Variants in WAC observed in about 807,000 individuals in gnomAD.
WAC encodes the protein WW domain containing adaptor with coiled-coil, also known as WW domain-containing adapter protein with coiled-coil.
A neutral mutation model predicts 79.6 loss-of-function variants in WAC; 11 were observed. That is an observed-to-expected ratio of 0.14 (90% CI 0.09 to 0.23). The LOEUF (loss-of-function observed/expected upper bound fraction) is 0.23, where lower values mean the gene tolerates loss of function less well. WAC is among the 10% of genes least tolerant of loss of function. WAC has a pLI of 1.00. For missense variants in WAC, 728 were observed against 773.5 expected (o/e 0.94, Z 0.70); for synonymous variants, 304 against 276.9 (o/e 1.10, Z -0.97).
intron 3 of WAC, among the ~76,000 whole-genome samples, chr10:28,570,774 AGAG>A (rs1315255286): frequency 6.6e-6 from 1 of 152,140 alleles, no homozygotes; most frequent in Non-Finnish European, 1.5e-5. Flanking sequence ...TGACGTAGGC[AGAG>A]TAGTTACATT....
intron 2 of WAC, chr10:28,534,373 T>C (rs1425947709): frequency 3.5e-6 from 1 of 281,836 alleles, no homozygotes; most frequent in Non-Finnish European, 6.6e-6. Context: ...ATTTATTTAT[T>C]TATTGTGTTG....
chr10:28,567,805 A>G (rs1190366059), intron 3 of WAC, among the ~76,000 whole-genome samples: 1 of 151,952 alleles, frequency 6.6e-6, no homozygotes, highest in Non-Finnish European at 1.5e-5. Context: ...CCCAAGCTGG[A>G]GTGCAGTGGC....
chr10:28,605,210 TTA>T (rs1840880371), intron 7 of WAC, among the ~76,000 whole-genome samples: 2 of 152,228 alleles, frequency 1.3e-5, no homozygotes, highest in African/African-American at 2.4e-5. Context: ...CAATTTTGCT[TTA>T]TGTTTTTCTT....
intron 7 of WAC, among the ~76,000 whole-genome samples, chr10:28,606,448 A>G (rs1840956213): frequency 1.3e-5 from 2 of 152,368 alleles, no homozygotes; most frequent in Middle Eastern, 3.4e-3. Flanking sequence ...GCTGGATTCA[A>G]GCACCTTCCT....
In WAC at chr10:28,586,023, G is replaced by A. The variant is rs186766419; in HGVS notation, c.381+2518G>A. Reference sequence around the variant, plus strand: ...AATGTTTTGTGTTTCTGGAATCCGCGTTCTGGTTTCTCTAGATTTCACCTG... The same window carrying A: ...AATGTTTTGTGTTTCTGGAATCCGCATTCTGGTTTCTCTAGATTTCACCTG... On this transcript the variant is annotated intron_variant, in intron 4 of 13. Coordinates refer to ENST00000354911, the MANE Select transcript of WAC (RefSeq NM_016628.5). 3.3e-5 allele frequency among the ~76,000 whole-genome samples: 5 copies of A among 152,248 alleles called. No homozygotes were observed. The East Asian group carries it at 7.7e-4, about 24-fold the overall frequency.
At chr10:28,560,487 T>G (rs1237707335) in intron 3 of WAC, among the ~76,000 whole-genome samples, 4 of 152,192 alleles carry the variant, frequency 2.6e-5, no homozygotes, top group Admixed American at 2.6e-4. Flanking sequence ...GAATTTTGTT[T>G]TTTTGTGTCG....
At position 28,577,683 on chromosome 10, in the gene WAC, A is replaced by G. The variant is rs575157469; in HGVS notation, c.275-5716A>G. Among the ~76,000 whole-genome samples, 19 of 152,336 alleles carry G rather than the reference A, an allele frequency of 1.2e-4. No homozygotes were observed. In the East Asian group the frequency reaches 2.9e-3, roughly 23 times the overall value. ...AGATCTTGGGAAGGTACTGACCTGTAGAGTATAATAATCTCTGTAAGTGAA... is the reference window on the plus strand; with the variant it reads ...AGATCTTGGGAAGGTACTGACCTGTGGAGTATAATAATCTCTGTAAGTGAA... On this transcript the variant is annotated intron_variant, in intron 3 of 13. Transcript: ENST00000354911.
chr10:28,608,413 A>C lies in WAC; in HGVS notation c.1147A>C (p.Ile383Leu). ...TLQLNNSNVDISKINEVLTAA... is the reference protein window; with the variant it reads ...TLQLNNSNVDLSKINEVLTAA... ...GCAGCTTAATAATTCTAATGTGGAC[A>C]TATCTAAAATAAATGAAGGTAAATC... Residue 383 changes from isoleucine to leucine, a missense_variant, in exon 8 of 14, where the codon ATA becomes CTA. Coordinates refer to ENST00000354911, the MANE Select transcript of WAC (RefSeq NM_016628.5). 6.3e-7 allele frequency: 1 copy of C among 1,598,952 alleles called. No individual in the cohort carries two copies. Among genetic ancestry groups the C allele is most frequent in the East Asian group, 2.3e-5 (1 of 44,204 alleles).
intron 3 of WAC, among the ~76,000 whole-genome samples, chr10:28,539,070 TAATA>T (rs1564371101): frequency 1.3e-5 from 2 of 152,132 alleles, no homozygotes; most frequent in Non-Finnish European, 2.9e-5. Flanking sequence ...TCTTTACTAA[TAATA>T]ACCTATATGC....
chr10:28,613,751 C>T (rs1040323826), intron 10 of WAC, among the ~76,000 whole-genome samples: 1 of 152,156 alleles, frequency 6.6e-6, no homozygotes, highest in African/African-American at 2.4e-5. Flanking sequence ...TGAGGTGTGA[C>T]TTAATCACAA....
chr10:28,603,850 C>T (rs897834170), intron 7 of WAC, among the ~76,000 whole-genome samples: 1 of 149,550 alleles, frequency 6.7e-6, no homozygotes, highest in Non-Finnish European at 1.5e-5. Flanking sequence ...AGGAGAATGG[C>T]GTGAACCCGG....
chr10:28,534,813 ACT>A (rs1226337898), intron 2 of WAC, among the ~76,000 whole-genome samples: 1 of 152,234 alleles, frequency 6.6e-6, no homozygotes, highest in Non-Finnish European at 1.5e-5. Flanking sequence ...ATTTGAAAAC[ACT>A]GTCTTCTGAT....
At chr10:28,570,946 C>CTTTTTT (rs139500035) in intron 3 of WAC, among the ~76,000 whole-genome samples, 2 of 64,538 alleles carry the variant, frequency 3.1e-5, no homozygotes, top group Non-Finnish European at 5.4e-5. Context: ...TAAAGATATA[C>CTTTTTT]TTTTTTTTTT....
intron 7 of WAC, among the ~76,000 whole-genome samples, chr10:28,604,372 C>A (rs1366407997): frequency 2.0e-5 from 3 of 151,970 alleles, no homozygotes; most frequent in Non-Finnish European, 2.9e-5. Flanking sequence ...AACTGGCACC[C>A]AGGCAGCAAG....
At chr10:28,534,725 TGACTGCA>T (rs1390936991) in intron 2 of WAC, among the ~76,000 whole-genome samples, 1 of 152,360 alleles carries the variant, frequency 6.6e-6, no homozygotes. Flanking sequence ...AACCATCAGA[TGACTGCA>T]GAAAACACTT....
intron 3 of WAC, among the ~76,000 whole-genome samples, chr10:28,569,917 A>G (rs370316295): frequency 1.2e-3 from 186 of 152,350 alleles, no homozygotes; most frequent in Admixed American, 1.4e-3. Flanking sequence ...TCATAGTTCA[A>G]CAGCACCAAA....
intron 3 of WAC, among the ~76,000 whole-genome samples, chr10:28,571,040 T>C (rs1431608425): frequency 7.8e-6 from 1 of 128,674 alleles, no homozygotes; most frequent in Non-Finnish European, 1.6e-5. Flanking sequence ...CACTGCAACC[T>C]CGGCCTCCTG....
chr10:28,595,746 T>C lies in WAC; in HGVS notation c.624T>C (p.His208=). Residue 208 remains histidine, a synonymous_variant, in exon 7 of 14, where the codon CAT becomes CAC. Transcript: ENST00000354911. The part of the protein sequence containing the change: ...SGFASGMEDK[H]SSDASSLLPQ... Reference sequence around the variant, plus strand: ...TGTGAACTAAAGTGGAAGACAAGCATTCCAGTGATGCCAGTAGTTTGCTCC... The same window carrying C: ...TGTGAACTAAAGTGGAAGACAAGCACTCCAGTGATGCCAGTAGTTTGCTCC... 6.2e-7 allele frequency: 1 copy of C among 1,613,026 alleles called. No individual in the cohort carries two copies. The highest frequency in any genetic ancestry group is 8.5e-7 in the Non-Finnish European group (1 of 1,179,154).
intron 6 of WAC, among the ~76,000 whole-genome samples, chr10:28,592,665 A>G (rs567699234): frequency 6.6e-6 from 1 of 152,312 alleles, no homozygotes; most frequent in Non-Finnish European, 1.5e-5. Context: ...ATAGATAAGT[A>G]TAAAAATAAC....
Sources: gnomAD v4.1 joint callset for allele counts (sites outside exome capture counted in the v4.1 genomes callset) on GRCh38, gnomAD v4.1.1 for gene constraint, MANE v1.5 for transcripts, NCBI Gene and HGNC (gene_info 2026-07-23, HGNC 2026-07-21) for gene names.